GSN: variants seen among roughly 807,000 people sequenced by gnomAD.
The protein encoded by GSN is actin-depolymerizing factor.
A neutral mutation model predicts 85.7 loss-of-function variants in GSN; 56 were observed. The observed-to-expected ratio is 0.65, with a 90% CI of 0.53 to 0.82. The LOEUF is 0.82. Among genes scored for constraint, GSN ranks in the 40% least tolerant of loss-of-function variants. The pLI is 0.00. For synonymous variants in GSN, 373 were observed against 399.1 expected (o/e 0.93, Z 0.78); for missense variants, 857 against 979.8 (o/e 0.87, Z 1.67).
chr9:121,286,110 A>G, intron 2 of GSN: 2 of 1,535,432 alleles, frequency 1.3e-6, no homozygotes, highest in Non-Finnish European at 1.7e-6. Flanking sequence ...GGCCTGTGTC[A>G]GGAGAGGCCC....
intron 4 of GSN, among the ~76,000 whole-genome samples, chr9:121,211,294 A>G (rs2053964227): frequency 6.6e-6 from 1 of 152,244 alleles, no homozygotes; most frequent in Non-Finnish European, 1.5e-5. Context: ...TAAATAGTAC[A>G]CTTAAAAGTG....
At chr9:121,235,223 G>C (rs373028794) in intron 5 of GSN, among the ~76,000 whole-genome samples, 3 of 152,200 alleles carry the variant, frequency 2.0e-5, no homozygotes, top group Non-Finnish European at 4.4e-5. Context: ...GAGAAAAGTC[G>C]TGAGTTTCAC....
At chr9:121,286,713 A>G in intron 2 of GSN, 1 of 1,535,416 alleles carries the variant, frequency 6.5e-7, no homozygotes, top group African/African-American at 1.4e-5. Context: ...TGTGGCCATC[A>G]TTCTCCTTAC....
Position 121,281,470 on chromosome 9 carries a change from G to C in GSN, c.-102G>C. ...GACATTCTGTGCCCTTTGTTTACAG[G>C]TAGTGCTCATAGCTCTCTTTGTCCA... On this transcript the variant is annotated splice_region_variant and 5_prime_UTR_variant, in exon 2 of 18. Coordinates refer to ENST00000432226, the MANE Select transcript of GSN (RefSeq NM_198252.3). The C allele has an allele frequency of 2.6e-6, 1 of 377,724 alleles. No individual in the cohort carries two copies. The highest frequency in any genetic ancestry group is 2.0e-5 in the South Asian group (1 of 48,844). 23.4% of individuals were successfully genotyped at this position (377,724 alleles called of 1,614,324 possible).
At chr9:121,214,622 G>A (rs985814466) in intron 4 of GSN, among the ~76,000 whole-genome samples, 2 of 152,202 alleles carry the variant, frequency 1.3e-5, no homozygotes, top group African/African-American at 4.8e-5. Flanking sequence ...CAATTCCAAA[G>A]ACTTAGCAGA....
chr9:121,267,173 A>G (rs886584477), upstream of GSN, among the ~76,000 whole-genome samples: 1 of 152,216 alleles, frequency 6.6e-6, no homozygotes, highest in Non-Finnish European at 1.5e-5. Flanking sequence ...GGCAACTCCA[A>G]AAGTCCTGGG....
At chr9:121,306,059 T>C (rs779478326) in intron 4 of GSN, among the ~76,000 whole-genome samples, 1 of 151,982 alleles carries the variant, frequency 6.6e-6, no homozygotes, top group Non-Finnish European at 1.5e-5. Flanking sequence ...TGCAAGAGAG[T>C]TCAGAATCCC....
upstream of GSN, among the ~76,000 whole-genome samples, chr9:121,263,838 G>A (rs536997185): frequency 1.1e-3 from 157 of 146,708 alleles, no homozygotes; most frequent in Admixed American, 3.2e-3. Flanking sequence ...GCGGTGAACC[G>A]AGATTGCGCC....
At chr9:121,269,997 A>G (rs1353906678) in intron 1 of GSN, among the ~76,000 whole-genome samples, 1 of 152,196 alleles carries the variant, frequency 6.6e-6, no homozygotes, top group Non-Finnish European at 1.5e-5. Context: ...ACTGTTTGAC[A>G]CTTTTGTGCC....
rs765505775 is a variant in GSN at position 121,281,503 on chromosome 9, G to A, written c.-69G>A. The A allele has an allele frequency of 3.8e-5, 15 of 392,816 alleles. No homozygotes were observed. The highest frequency in any genetic ancestry group is 6.3e-5 in the African/African-American group (3 of 47,372). The allele number at this position is 392,816 out of a possible 1,614,324, so 24.3% of individuals were successfully genotyped here. On this transcript the variant is annotated 5_prime_UTR_variant, in exon 2 of 18. Transcript: ENST00000432226. ...CATAGCTCTCTTTGTCCAGTGCTTC[G>A]GCCTTGGTCCCAGCGCCTTCCCACG...
chr9:121,298,157 G>A (rs2059392433), intron 2 of GSN, among the ~76,000 whole-genome samples: 2 of 151,792 alleles, frequency 1.3e-5, no homozygotes, highest in South Asian at 2.1e-4. Flanking sequence ...CACAGGCCTC[G>A]GTGACCCCTG....
chr9:121,305,203 A>C (rs908541300), intron 4 of GSN, among the ~76,000 whole-genome samples: 1 of 152,174 alleles, frequency 6.6e-6, no homozygotes, highest in Non-Finnish European at 1.5e-5. Context: ...CCGTGTGTTA[A>C]GCCTTGACTA....
chr9:121,234,131 T>C (rs2054446594), intron 5 of GSN, among the ~76,000 whole-genome samples: 2 of 149,786 alleles, frequency 1.3e-5, no homozygotes, highest in Non-Finnish European at 3.0e-5. Flanking sequence ...TGCTTTCTCC[T>C]GTAGAAGGTT....
chr9:121,331,700 A>G (rs2063926921), intron 17 of GSN: 1 of 427,978 alleles, frequency 2.3e-6, no homozygotes, highest in African/African-American at 2.0e-5. Flanking sequence ...AGGAAGGGAC[A>G]GATGAGAAGT....
chr9:121,278,696 C>T (rs2056967611), intron 1 of GSN, among the ~76,000 whole-genome samples: 1 of 152,220 alleles, frequency 6.6e-6, no homozygotes, highest in African/African-American at 2.4e-5. Flanking sequence ...CTTTATGGCT[C>T]CATCTGGAGT....
In GSN at chr9:121,312,442, G is replaced by T. The variant is rs767693759; in HGVS notation, c.617G>T (p.Arg206Leu). 5 of 1,614,080 alleles carry T rather than the reference G, an allele frequency of 3.1e-6. No individual in the cohort carries two copies. Among genetic ancestry groups the T allele is most frequent in the Non-Finnish European group, 4.2e-6 (5 of 1,179,994 alleles). Residue 206 changes from arginine (R) to leucine (L), a missense_variant, in exon 6 of 18, where the codon CGA (arginine) becomes CTA (leucine). Arg to Leu is a moderately radical substitution (Grantham distance 102). Coordinates refer to ENST00000432226, the MANE Select transcript of GSN (RefSeq NM_198252.3). Reference sequence around the variant, plus strand: ...GACAACGAGCGGAGTGGCCGGGCCCGAGTGCACGTGTCTGAGGAGGGCACT... The same window carrying T: ...GACAACGAGCGGAGTGGCCGGGCCCTAGTGCACGTGTCTGAGGAGGGCACT... ...IRDNERSGRA[R>L]VHVSEEGTEP...
At chr9:121,218,766 G>T (rs2054114835) in intron 4 of GSN, among the ~76,000 whole-genome samples, 1 of 152,236 alleles carries the variant, frequency 6.6e-6, no homozygotes, top group African/African-American at 2.4e-5. Flanking sequence ...AAATGTCCCT[G>T]TGCAAGCCAG....
At chr9:121,252,715 G>T (rs1255731195) in intron 6 of GSN, among the ~76,000 whole-genome samples, 5 of 152,206 alleles carry the variant, frequency 3.3e-5, no homozygotes, top group African/African-American at 1.2e-4. Flanking sequence ...GGGTCCATGA[G>T]TGATTATGTG....
upstream of GSN, among the ~76,000 whole-genome samples, chr9:121,264,222 G>A (rs546504406): frequency 2.6e-5 from 4 of 152,296 alleles, no homozygotes. Context: ...CAAAGGCTGA[G>A]GTGGGAGGAT....
Sources: allele counts gnomAD v4.1 joint callset (sites outside exome capture counted in the v4.1 genomes callset), GRCh38; gene constraint gnomAD v4.1.1; transcripts MANE v1.5; gene names NCBI Gene and HGNC (gene_info 2026-07-23, HGNC 2026-07-21).